PPIH: variants seen among roughly 807,000 people sequenced by gnomAD.
The protein encoded by PPIH is peptidyl-prolyl cis-trans isomerase H.
In PPIH, 16 loss-of-function variants were observed where a neutral mutation model predicts 27.6. The ratio of observed to expected loss-of-function variants is 0.58; its 90% CI spans 0.39 to 0.88. The LOEUF (loss-of-function observed/expected upper bound fraction) is 0.88. Among genes scored for constraint, PPIH ranks in the 40% least tolerant of loss-of-function variants. PPIH has a pLI of 0.00. For synonymous variants in PPIH, 63 were observed against 76.1 expected, an observed-to-expected ratio of 0.83 and a Z score of 0.90; for missense variants, 155 against 224.1, an observed-to-expected ratio of 0.69 and a Z score of 1.97.
chr1:42,664,748 A>G (rs1036041875), intron 5 of PPIH, 115 bp from the exon 6 acceptor site: 5 of 781,768 alleles, frequency 6.4e-6, no homozygotes, highest in Non-Finnish European at 1.0e-5. Context: ...AAGATGACCA[A>G]CAAGAGTAAG....
At chr1:42,665,931 G>A (rs1649307034) in intron 6 of PPIH, 49 bp from the exon 7 acceptor site, 1 of 1,509,082 alleles carries the variant, frequency 6.6e-7, no homozygotes, top group African/African-American at 1.4e-5. Context: ...TTGCCCTTCA[G>A]CTAACATGGC....
At chr1:42,669,653 T>A (rs892439417) in intron 9 of PPIH, among the ~76,000 whole-genome samples, 2 of 152,176 alleles carry the variant, frequency 1.3e-5, no homozygotes, top group Non-Finnish European at 2.9e-5. Context: ...AAGAAAAAAA[T>A]TAGTATTGTG....
downstream of PPIH, among the ~76,000 whole-genome samples, chr1:42,678,555 G>A (rs1013999962): frequency 6.6e-6 from 1 of 151,966 alleles, no homozygotes; most frequent in Non-Finnish European, 1.5e-5. Context: ...ACATGCCACC[G>A]TGCCCGTCTA....
At chr1:42,680,449 G>A (rs917235266), downstream of PPIH, among the ~76,000 whole-genome samples, 3 of 152,204 alleles carry the variant, frequency 2.0e-5, no homozygotes, top group Admixed American at 1.3e-4. Flanking sequence ...GTTGGACAGG[G>A]AATACAAGAG....
chr1:42,677,702 T>C (rs1054123759), downstream of PPIH, among the ~76,000 whole-genome samples: 2 of 152,114 alleles, frequency 1.3e-5, no homozygotes, highest in Non-Finnish European at 2.9e-5. Context: ...GGCACATACC[T>C]GTAGTCCTAA....
chr1:42,672,375 A>G (rs1395527818), intron 9 of PPIH, among the ~76,000 whole-genome samples: 1 of 151,502 alleles, frequency 6.6e-6, no homozygotes, highest in Non-Finnish European at 1.5e-5. Context: ...AGAACTTGCC[A>G]TATTCCAAAA....
chr1:42,666,666 G>C, intron 8 of PPIH, 79 bp downstream of exon 8: 1 of 1,408,696 alleles, frequency 7.1e-7, no homozygotes, highest in Non-Finnish European at 1.0e-6. Context: ...AGCTAGAGAA[G>C]GGGGAATGAG....
At chr1:42,669,080 C>G (rs1649491967) in intron 9 of PPIH, among the ~76,000 whole-genome samples, 1 of 150,926 alleles carries the variant, frequency 6.6e-6, no homozygotes, top group Non-Finnish European at 1.5e-5. Context: ...TGTGGTGGTG[C>G]ATGCCTGTAG....
intron 9 of PPIH, among the ~76,000 whole-genome samples, chr1:42,670,886 C>T (rs1354762287): frequency 6.6e-6 from 1 of 152,206 alleles, no homozygotes; most frequent in African/African-American, 2.4e-5. Context: ...ACCTCTACCT[C>T]CCGGGTTCAA....
chr1:42,666,943 G>A (rs1192919286), intron 8 of PPIH, among the ~76,000 whole-genome samples: 6 of 152,062 alleles, frequency 3.9e-5, no homozygotes, highest in Admixed American at 2.6e-4. Context: ...TGTCCCTGCT[G>A]CTTGCTCTTT....
At chr1:42,680,052 C>T (rs1024334029), downstream of PPIH, among the ~76,000 whole-genome samples, 1 of 152,174 alleles carries the variant, frequency 6.6e-6, no homozygotes, top group Non-Finnish European at 1.5e-5. Flanking sequence ...TTAATTAGAG[C>T]AATACAGTGT....
chr1:42,671,073 G>A (rs535162511), intron 9 of PPIH, among the ~76,000 whole-genome samples: 1 of 152,054 alleles, frequency 6.6e-6, no homozygotes, highest in South Asian at 2.1e-4. Flanking sequence ...TGGGATTATA[G>A]GCGTGAGCAA....
In PPIH at chr1:42,664,909, A is replaced by G; in HGVS notation, c.290A>G (p.Asp97Gly). ...AGTATTTACCGGGGGCCATTTGCAGATGAAAATTTTAAACTTAGACACTCA... is the reference window on the plus strand; with the variant it reads ...AGTATTTACCGGGGGCCATTTGCAGGTGAAAATTTTAAACTTAGACACTCA... ...VASIYRGPFA[D>G]ENFKLRHSAP... The change falls in exon 6 of 10, where the codon GAT becomes GGT. Residue 97 changes from aspartate (D) to glycine (G), a missense_variant. Coordinates refer to ENST00000304979, the MANE Select transcript of PPIH (RefSeq NM_006347.4). 10 of 1,613,828 alleles carry G rather than the reference A, an allele frequency of 6.2e-6. No individual in the cohort carries two copies. The highest frequency in any genetic ancestry group is 8.5e-6 in the Non-Finnish European group (10 of 1,179,912).
At chr1:42,672,864 G>A (rs531559411) in intron 9 of PPIH, among the ~76,000 whole-genome samples, 19 of 152,164 alleles carry the variant, frequency 1.2e-4, no homozygotes, top group African/African-American at 3.9e-4. Context: ...AGCCAGGCTC[G>A]TCTCAAACTC....
intron 6 of PPIH, among the ~76,000 whole-genome samples, chr1:42,665,191 G>A (rs1649260942): frequency 1.3e-5 from 2 of 152,082 alleles, no homozygotes. Context: ...ATAACCTGAG[G>A]TCAGCAGTTC....
intron 1 of PPIH, 105 bp from the exon 2 acceptor site, chr1:42,658,739 G>T: frequency 7.4e-7 from 1 of 1,348,322 alleles, no homozygotes; most frequent in Non-Finnish European, 1.1e-6. Context: ...GCGGAGGTGG[G>T]AGATACCGAG....
rs139438641 is a variant in PPIH, at chr1:42,675,513, C to G, written c.*22-1071C>G. Among the ~76,000 whole-genome samples the G allele has an allele frequency of 3.9e-3, 600 of 152,320 alleles. 10 individuals are homozygous for G. Among genetic ancestry groups the G allele is most frequent in the African/African-American group, 0.013 (554 of 41,560 alleles). ...AAGGATCATGCTGACTAACATAGTGCCTGGTATGACAGAGCTTAGGTCCTG... is the reference window on the plus strand; with the variant it reads ...AAGGATCATGCTGACTAACATAGTGGCTGGTATGACAGAGCTTAGGTCCTG... On this transcript the variant is annotated intron_variant, in intron 9 of 9. Coordinates refer to ENST00000304979, the MANE Select transcript of PPIH (RefSeq NM_006347.4).
intron 5 of PPIH, among the ~76,000 whole-genome samples, chr1:42,662,938 GCTTT>G (rs1417095831): frequency 6.6e-6 from 1 of 152,100 alleles, no homozygotes; most frequent in Non-Finnish European, 1.5e-5. Flanking sequence ...TCTAAAACAT[GCTTT>G]CTAATAGCCA....
At chr1:42,659,433 G>A in intron 3 of PPIH, 89 bp from the exon 4 acceptor site, 2 of 1,614,110 alleles carry the variant, frequency 1.2e-6, no homozygotes, top group Non-Finnish European at 1.7e-6. Flanking sequence ...ACCATCTTTA[G>A]GAGAGTCCTT....
Sources: gnomAD v4.1 joint callset for allele counts (sites outside exome capture counted in the v4.1 genomes callset) on GRCh38, gnomAD v4.1.1 for gene constraint, MANE v1.5 for transcripts, NCBI Gene and HGNC (gene_info 2026-07-23, HGNC 2026-07-21) for gene names.